DNAH14: variants seen among roughly 807,000 people sequenced by gnomAD.
The protein encoded by DNAH14 is dynein axonemal heavy chain 14.
In DNAH14, 478 loss-of-function variants were observed where a neutral mutation model predicts 520.9. That is an observed-to-expected ratio of 0.92 (90% CI 0.85 to 0.99). DNAH14 has a LOEUF of 0.99. Ranked by LOEUF, DNAH14 falls within the 50% of genes least tolerant of loss-of-function variation. DNAH14 has a pLI of 0.00. For synonymous variants in DNAH14, 1,581 were observed against 1,757.2 expected (o/e 0.90, Z 2.51); for missense variants, 4,831 against 5,234.5 (o/e 0.92, Z 2.38).
At chr1:225,038,454 T>G (rs997650245) in intron 11 of DNAH14, among the ~76,000 whole-genome samples, 10 of 152,016 alleles carry the variant, frequency 6.6e-5, no homozygotes, top group African/African-American at 2.4e-4. Flanking sequence ...TCCTAATGGG[T>G]ATGAGGTGAT....
chr1:225,391,573 G>A (rs1169508319), intron 83 of DNAH14, among the ~76,000 whole-genome samples: 4 of 152,218 alleles, frequency 2.6e-5, no homozygotes, highest in East Asian at 3.9e-4. Flanking sequence ...GGGAGTAGGG[G>A]GCATTTAGGA....
chr1:225,388,859 C>A (rs1194849776), intron 82 of DNAH14, among the ~76,000 whole-genome samples: 5 of 152,164 alleles, frequency 3.3e-5, no homozygotes, highest in South Asian at 2.1e-4. Flanking sequence ...TCACTGCAAC[C>A]TCCACCTTCT....
intron 1 of DNAH14, among the ~76,000 whole-genome samples, chr1:224,940,500 TAATA>T (rs1175521779): frequency 1.3e-5 from 2 of 152,160 alleles, no homozygotes; most frequent in African/African-American, 4.8e-5. Flanking sequence ...GAGTGAGGTT[TAATA>T]AATTCCTAAT....
chr1:225,209,147 A>T (rs977529900), intron 41 of DNAH14, among the ~76,000 whole-genome samples: 7 of 152,108 alleles, frequency 4.6e-5, no homozygotes, highest in Admixed American at 2.0e-4. Context: ...TCTTATTTTT[A>T]TGTCTCATAA....
chr1:225,284,408 G>A lies in DNAH14; in HGVS notation c.8272-5477G>A, dbSNP rs181721517. On this transcript the variant is annotated intron_variant, in intron 54 of 85. Transcript: ENST00000682510. ...ACATAGTAGATCACTTAGATAAAAT[G>A]TCTTTCCTAGAAATATATAAATTAC... Among the ~76,000 whole-genome samples the A allele has an allele frequency of 7.9e-5, 12 of 152,168 alleles. No individual in the cohort carries two copies. The East Asian group carries it at 1.9e-3, about 24-fold the overall frequency.
intron 34 of DNAH14, among the ~76,000 whole-genome samples, chr1:225,156,709 C>CTTT (rs71170061): frequency 0.018 from 1,223 of 68,178 alleles, 177 homozygotes; most frequent in African/African-American, 0.075. Context: ...TCTTAAAATT[C>CTTT]TTTTTTTTTT....
At chr1:225,241,608 G>A (rs1233160133) in intron 43 of DNAH14, among the ~76,000 whole-genome samples, 2 of 152,140 alleles carry the variant, frequency 1.3e-5, no homozygotes, top group African/African-American at 4.8e-5. Flanking sequence ...TACACACCTA[G>A]GCTATATGGC....
chr1:225,377,431 G>C lies in DNAH14; in HGVS notation c.12711G>C (p.Met4237Ile), dbSNP rs2095715439. The C allele has an allele frequency of 6.5e-7, 1 of 1,548,324 alleles. No homozygotes were observed. The highest frequency in any genetic ancestry group is 8.7e-7 in the Non-Finnish European group (1 of 1,145,650). ...CAAAAACTACCACTGCCAACCTCAT[G>C]ATCAGGTAAGAACTCGCTAGGAAAA... ...MQPKTTTANLMIRPEQSKDEL... is the reference protein window; with the variant it reads ...MQPKTTTANLIIRPEQSKDEL... Residue 4237 changes from methionine to isoleucine, a missense_variant, in exon 79 of 86, where the codon ATG (methionine) becomes ATC (isoleucine). Met to Ile is a conservative substitution (Grantham distance 10, BLOSUM62 1). Transcript: ENST00000682510.
chr1:225,374,274 T>A (rs1349504653), intron 77 of DNAH14, among the ~76,000 whole-genome samples: 1,672 of 135,248 alleles, frequency 0.012, 55 homozygotes, highest in African/African-American at 0.044. Flanking sequence ...ATATATATTT[T>A]TTTTTGAGAT....
intron 58 of DNAH14, among the ~76,000 whole-genome samples, chr1:225,305,870 G>T (rs774189341): frequency 1.3e-5 from 2 of 152,142 alleles, no homozygotes; most frequent in Non-Finnish European, 2.9e-5. Context: ...CACTGACTGG[G>T]GCCTGGGCCA....
intron 39 of DNAH14, among the ~76,000 whole-genome samples, chr1:225,205,711 C>T (rs1391746500): frequency 1.3e-5 from 2 of 152,210 alleles, no homozygotes. Context: ...TTCTCCTAAG[C>T]AAATTGTAAG....
At chr1:225,093,086 C>T (rs183382249) in intron 21 of DNAH14, among the ~76,000 whole-genome samples, 1 of 152,232 alleles carries the variant, frequency 6.6e-6, no homozygotes, top group Admixed American at 6.5e-5. Context: ...GGAGCTGGTA[C>T]CATTCCTACT....
At chr1:225,073,674 G>A (rs1470084118) in intron 17 of DNAH14, among the ~76,000 whole-genome samples, 1 of 151,460 alleles carries the variant, frequency 6.6e-6, no homozygotes, top group Non-Finnish European at 1.5e-5. Context: ...TGTTGTTGTT[G>A]TTGTTTGTTT....
At chr1:225,358,421 GT>G in intron 73 of DNAH14, 74 bp from the exon 74 acceptor site, 16 of 1,244,980 alleles carry the variant, frequency 1.3e-5, no homozygotes, top group Non-Finnish European at 1.7e-5. Context: ...TCTTATTTTT[GT>G]TTCATTTTAC....
chr1:225,203,713 C>T (rs2087162543), intron 38 of DNAH14, among the ~76,000 whole-genome samples: 2 of 152,150 alleles, frequency 1.3e-5, no homozygotes, highest in South Asian at 4.1e-4. Context: ...AAATTCTGGG[C>T]TTCATCCCAA....
At chr1:225,060,432 G>T (rs2456330) in intron 17 of DNAH14, among the ~76,000 whole-genome samples, 129,413 of 151,946 alleles carry the variant, frequency 0.85, 58,677 homozygotes, top group Non-Finnish European at 1. Flanking sequence ...TTTTTCAAGG[G>T]TTTTAACTTC....
At chr1:225,120,890 T>TCTTC (rs937112713) in intron 26 of DNAH14, among the ~76,000 whole-genome samples, 5 of 152,208 alleles carry the variant, frequency 3.3e-5, no homozygotes, top group Non-Finnish European at 7.3e-5. Context: ...TAGTCCTATC[T>TCTTC]CTTCCTTTGC....
chr1:225,307,228 T>C lies in DNAH14; in HGVS notation c.9006-233T>C, dbSNP rs550103950. 3.9e-5 allele frequency among the ~76,000 whole-genome samples: 6 copies of C among 152,300 alleles called. No individual in the cohort carries two copies. The South Asian group carries it at 1.2e-3, about 32-fold the overall frequency. ...CTATTCCTAGTTATCATGAATTTTATCAAATGTTTTTTCTGCATCAATGGA... is the reference window on the plus strand; with the variant it reads ...CTATTCCTAGTTATCATGAATTTTACCAAATGTTTTTTCTGCATCAATGGA... On this transcript the variant is annotated intron_variant, in intron 58 of 85. Coordinates refer to ENST00000682510, the MANE Select transcript of DNAH14 (RefSeq NM_001367479.1).
chr1:224,981,493 A>G (rs2062264480), intron 8 of DNAH14, among the ~76,000 whole-genome samples: 2 of 152,032 alleles, frequency 1.3e-5, no homozygotes, highest in African/African-American at 2.4e-5. Context: ...AGGGTATCTA[A>G]TTCTTCCTGA....
Sources: gnomAD v4.1 joint callset for allele counts (sites outside exome capture counted in the v4.1 genomes callset) on GRCh38, gnomAD v4.1.1 for gene constraint, MANE v1.5 for transcripts, NCBI Gene and HGNC (gene_info 2026-07-23, HGNC 2026-07-21) for gene names.